The following TG variants were observed in gnomAD, a reference collection of about 807,000 sequenced individuals.
TG encodes thyroglobulin, also known as thyroid hormones.
A neutral mutation model predicts 324.7 loss-of-function variants in TG; 270 were observed. That is an observed-to-expected ratio of 0.83 (90% CI 0.75 to 0.92). TG has a LOEUF of 0.92. Ranked by LOEUF, TG falls within the 40% of genes least tolerant of loss-of-function variation. TG has a pLI of 0.00. For missense variants in TG, 3,591 were observed against 3,456.4 expected (o/e 1.04, Z -0.98); for synonymous variants, 1,401 against 1,327.0 (o/e 1.06, Z -1.21).
rs1220929625 is a variant in TG, at chr8:132,994,890, A to C, written c.6262+11478A>C. The C allele has an allele frequency of 5.8e-6, 7 of 1,206,568 alleles. No individual in the cohort carries two copies. The Admixed American group carries it at 2.1e-4, about 36-fold the overall frequency. 74.7% of individuals were successfully genotyped at this position (1,206,568 alleles called of 1,614,324 possible). Reference sequence around the variant, plus strand: ...TGCTGTGATGGAGTAAGATTGAGGTAATGAGCTCCCTGTCACTGGAGTATT... The same window carrying C: ...TGCTGTGATGGAGTAAGATTGAGGTCATGAGCTCCCTGTCACTGGAGTATT... On this transcript the variant is annotated intron_variant, in intron 35 of 47. Transcript: ENST00000220616.
intron 33 of TG, 121 bp downstream of exon 33, chr8:132,971,994 TG>T: frequency 1.3e-6 from 1 of 787,292 alleles, no homozygotes; most frequent in East Asian, 2.7e-5. Context: ...GATAAGGAAA[TG>T]GGGGCTTGGA....
intron 34 of TG, among the ~76,000 whole-genome samples, chr8:132,973,020 T>G (rs1829742548): frequency 6.6e-6 from 1 of 152,186 alleles, no homozygotes. Context: ...TTCTTCAGTG[T>G]GCCATGATCA....
chr8:132,904,057 G>A (rs781105385), intron 16 of TG, among the ~76,000 whole-genome samples: 5 of 152,168 alleles, frequency 3.3e-5, no homozygotes, highest in South Asian at 2.1e-4. Context: ...CCTCCAGTGG[G>A]CATTAGCCTG....
At chr8:132,985,855 C>G (rs981184727) in intron 35 of TG, among the ~76,000 whole-genome samples, 8 of 152,136 alleles carry the variant, frequency 5.3e-5, no homozygotes, top group African/African-American at 1.9e-4. Context: ...CCCTCATCTG[C>G]TGTCTGCTCC....
intron 34 of TG, among the ~76,000 whole-genome samples, chr8:132,977,699 G>A (rs370841729): frequency 1.1e-4 from 17 of 152,148 alleles, no homozygotes; most frequent in African/African-American, 4.1e-4. Flanking sequence ...TCGCTATCAC[G>A]AGAATAGCAC....
In TG at chr8:133,013,688, C is replaced by A; in HGVS notation, c.6486C>A (p.Ser2162Arg). 6.2e-7 allele frequency: 1 copy of A among 1,614,180 alleles called. No individual in the cohort carries two copies. The highest frequency in any genetic ancestry group is 8.5e-7 in the Non-Finnish European group (1 of 1,180,046). Reference protein sequence around the residue: ...VRCMFYADTQSCTHSLQGQNC... With the variant: ...VRCMFYADTQRCTHSLQGQNC... ...GTATGTTCTATGCTGATACTCAAAG[C>A]TGCACACATAGTCTGCAGGGTCAGA... Residue 2162 changes from serine to arginine, a missense_variant, in exon 37 of 48, where the codon AGC (serine) becomes AGA (arginine). Ser to Arg is a moderately radical substitution (Grantham distance 110). Transcript: ENST00000220616.
intron 45 of TG, among the ~76,000 whole-genome samples, chr8:133,122,754 A>G (rs1488170848): frequency 1.3e-5 from 2 of 152,162 alleles, no homozygotes; most frequent in African/African-American, 4.8e-5. Context: ...GTATGCATGT[A>G]TGTGTATCTG....
At chr8:133,065,910 G>A (rs1481526636) in intron 41 of TG, among the ~76,000 whole-genome samples, 2 of 152,216 alleles carry the variant, frequency 1.3e-5, no homozygotes, top group African/African-American at 4.8e-5. Context: ...GGCAGTGTTT[G>A]GAAGCCCGGG....
intron 5 of TG, among the ~76,000 whole-genome samples, chr8:132,876,551 G>T (rs1163145377): frequency 6.6e-6 from 1 of 152,194 alleles, no homozygotes; most frequent in Non-Finnish European, 1.5e-5. Context: ...TTATTTATGT[G>T]CTGGGTGATG....
intron 45 of TG, among the ~76,000 whole-genome samples, chr8:133,124,365 C>T (rs996129895): frequency 6.6e-6 from 1 of 152,166 alleles, no homozygotes; most frequent in Admixed American, 6.5e-5. Context: ...AGAGTGGGGG[C>T]TGGGGTATGG....
At position 133,060,461 on chromosome 8, in the gene TG, C is replaced by T. The variant is rs764660352; in HGVS notation, c.7239+30438C>T. 5.0e-5 allele frequency: 57 copies of T among 1,142,304 alleles called. No homozygotes were observed. In the African/African-American group the frequency reaches 5.1e-4, roughly 10 times the overall value. 70.8% of individuals were successfully genotyped at this position (1,142,304 alleles called of 1,614,324 possible). On this transcript the variant is annotated intron_variant, in intron 41 of 47. Transcript: ENST00000220616. ...TTGGTGGCAAAAGTTTCCATTCCTC[C>T]GCACCCTTGCTGAGGATGGTAAGCA...
chr8:132,971,877 A>C lies in TG; in HGVS notation c.6055+4A>C. ...CTAAATGTTTCCCAGTTAAAAGGTA[A>C]TAATGGTAACAACTTCCTCTCCCCT... is the stretch of plus-strand genomic sequence containing the variant. On this transcript the variant is annotated splice_donor_region_variant and intron_variant, in intron 33 of 47. Transcript: ENST00000220616. 2 of 1,603,324 alleles carry C rather than the reference A, an allele frequency of 1.2e-6. No homozygotes were observed. Among genetic ancestry groups the C allele is most frequent in the Non-Finnish European group, 1.7e-6 (2 of 1,170,120 alleles).
intron 35 of TG, among the ~76,000 whole-genome samples, chr8:132,999,897 C>T (rs1324210618): frequency 2.6e-5 from 4 of 152,154 alleles, no homozygotes; most frequent in Non-Finnish European, 4.4e-5. Context: ...CTTTTCTGGT[C>T]CTTCTGGGTC....
intron 35 of TG, chr8:132,995,420 C>T (rs1832778192): frequency 3.0e-6 from 3 of 985,314 alleles, no homozygotes; most frequent in Non-Finnish European, 3.6e-6. Context: ...GTGTTCAAGG[C>T]AGCTGTGTGA....
At chr8:133,050,807 C>G in intron 41 of TG, 1 of 1,565,392 alleles carries the variant, frequency 6.4e-7, no homozygotes, top group Non-Finnish European at 8.8e-7. Context: ...TTTTGGAGAG[C>G]TGACTCACTC....
intron 12 of TG, 65 bp downstream of exon 12, chr8:132,897,851 C>T: frequency 1.3e-6 from 2 of 1,588,438 alleles, no homozygotes; most frequent in Admixed American, 1.7e-5. Flanking sequence ...GAGGACAGAG[C>T]CCCACACTGG....
At chr8:132,953,617 T>C (rs1826420830) in intron 27 of TG, among the ~76,000 whole-genome samples, 1 of 152,138 alleles carries the variant, frequency 6.6e-6, no homozygotes, top group Admixed American at 6.5e-5. Context: ...CCCAAACAAC[T>C]AATCCCACGA....
chr8:132,924,463 T>C (rs1821541324), intron 22 of TG, among the ~76,000 whole-genome samples: 1 of 152,198 alleles, frequency 6.6e-6, no homozygotes, highest in African/African-American at 2.4e-5. Context: ...TCAATCCCTC[T>C]GATCCTCAGT....
chr8:133,123,657 C>G (rs1851309826), intron 45 of TG, among the ~76,000 whole-genome samples: 1 of 152,180 alleles, frequency 6.6e-6, no homozygotes, highest in Non-Finnish European at 1.5e-5. Context: ...AGGAAGAGCC[C>G]CATCTGTGTC....
Sources: gnomAD v4.1 joint callset for allele counts (sites outside exome capture counted in the v4.1 genomes callset) on GRCh38, gnomAD v4.1.1 for gene constraint, MANE v1.5 for transcripts, NCBI Gene and HGNC (gene_info 2026-07-23, HGNC 2026-07-21) for gene names.